The following KCNH5 variants were observed in gnomAD, a reference collection of about 807,000 sequenced individuals.
KCNH5 encodes potassium voltage-gated channel subfamily H member 5.
A neutral mutation model predicts 96.1 loss-of-function variants in KCNH5; 46 were observed. The ratio of observed to expected loss-of-function variants is 0.48; its 90% CI spans 0.38 to 0.61. The LOEUF is 0.61. KCNH5 is among the 20% of genes least tolerant of loss of function. KCNH5 has a pLI of 0.00. For missense variants in KCNH5, 907 were observed against 1,225.8 expected (o/e 0.74, Z 3.88); for synonymous variants, 439 against 449.8 (o/e 0.98, Z 0.30).
At chr14:62,954,391 G>A (rs965309429) in intron 6 of KCNH5, among the ~76,000 whole-genome samples, 4 of 152,166 alleles carry the variant, frequency 2.6e-5, no homozygotes, top group Non-Finnish European at 5.9e-5. Flanking sequence ...TTGCATGTAT[G>A]ACATTCCAGG....
chr14:62,918,907 A>AT (rs1889327863), intron 7 of KCNH5, among the ~76,000 whole-genome samples: 1 of 152,116 alleles, frequency 6.6e-6, no homozygotes, highest in African/African-American at 2.4e-5. Flanking sequence ...TATGAAAATC[A>AT]TTTTTATCAT....
intron 8 of KCNH5, among the ~76,000 whole-genome samples, chr14:62,846,041 T>C (rs907269612): frequency 3.9e-5 from 6 of 152,198 alleles, no homozygotes; most frequent in African/African-American, 1.4e-4. Context: ...TTTACACACC[T>C]CCCAGAATCA....
chr14:63,017,071 T>C (rs914592773), intron 1 of KCNH5, 117 bp from the exon 2 acceptor site: 24 of 976,718 alleles, frequency 2.5e-5, no homozygotes, highest in Non-Finnish European at 3.2e-5. Context: ...GGTTTGTAAT[T>C]GTACAAATAA....
At chr14:62,987,014 G>A in intron 5 of KCNH5, 58 bp downstream of exon 5, 1 of 1,087,410 alleles carries the variant, frequency 9.2e-7, no homozygotes. Flanking sequence ...AATCATTTTA[G>A]GGAAGAAAAA....
intron 10 of KCNH5, among the ~76,000 whole-genome samples, chr14:62,753,748 T>C (rs964699659): frequency 2.0e-5 from 3 of 152,150 alleles, no homozygotes; most frequent in Non-Finnish European, 4.4e-5. Flanking sequence ...CTGGCAAAGA[T>C]ATCCTTCAAA....
intron 4 of KCNH5, among the ~76,000 whole-genome samples, chr14:62,989,589 CA>C (rs1292022350): frequency 6.6e-6 from 1 of 152,038 alleles, no homozygotes; most frequent in Non-Finnish European, 1.5e-5. Flanking sequence ...GATCCACCCA[CA>C]AGTGAGAGGT....
intron 10 of KCNH5, among the ~76,000 whole-genome samples, chr14:62,761,287 G>A (rs145833711): frequency 0.032 from 4,815 of 151,660 alleles, 149 homozygotes; most frequent in South Asian, 0.082. Flanking sequence ...CCTGGGAGGC[G>A]GAGGTTGCAA....
At chr14:62,975,864 G>A (rs1890489414) in intron 6 of KCNH5, among the ~76,000 whole-genome samples, 2 of 152,088 alleles carry the variant, frequency 1.3e-5, no homozygotes. Context: ...GATTAAACTT[G>A]CCTGTTAAAG....
chr14:62,787,559 T>C (rs932107386), intron 9 of KCNH5, among the ~76,000 whole-genome samples: 3 of 152,198 alleles, frequency 2.0e-5, no homozygotes, highest in African/African-American at 7.2e-5. Flanking sequence ...TTAATGCAGA[T>C]GAAACAGCCT....
chr14:62,959,826 A>G (rs923337631), intron 6 of KCNH5, among the ~76,000 whole-genome samples: 2 of 152,088 alleles, frequency 1.3e-5, no homozygotes, highest in Admixed American at 6.6e-5. Context: ...CTCCACTGTC[A>G]TCACCTTAGA....
At chr14:62,938,433 C>T (rs1889726847) in intron 7 of KCNH5, among the ~76,000 whole-genome samples, 1 of 152,190 alleles carries the variant, frequency 6.6e-6, no homozygotes, top group Non-Finnish European at 1.5e-5. Context: ...CACTTAGGAG[C>T]TGGCTTAGAA....
At chr14:62,729,253 T>C (rs1885000269) in intron 10 of KCNH5, among the ~76,000 whole-genome samples, 1 of 152,178 alleles carries the variant, frequency 6.6e-6, no homozygotes, top group African/African-American at 2.4e-5. Flanking sequence ...AATAACACTT[T>C]TTAATATAGT....
chr14:63,022,933 C>G (rs76885777), intron 1 of KCNH5, among the ~76,000 whole-genome samples: 1 of 152,122 alleles, frequency 6.6e-6, no homozygotes, highest in Admixed American at 6.5e-5. Context: ...TGGCCAGGCA[C>G]GGTGACTCAC....
At chr14:62,791,524 C>T (rs967171063) in intron 9 of KCNH5, among the ~76,000 whole-genome samples, 3 of 151,470 alleles carry the variant, frequency 2.0e-5, no homozygotes, top group Admixed American at 2.0e-4. Flanking sequence ...TATATTCTAC[C>T]TATAAGAACT....
chr14:63,011,586 C>G (rs1452309600), intron 2 of KCNH5, among the ~76,000 whole-genome samples: 4 of 152,084 alleles, frequency 2.6e-5, no homozygotes, highest in Admixed American at 6.6e-5. Flanking sequence ...GTTTCACAAC[C>G]CATTGATTTA....
At position 62,703,293 on chromosome 14, in the gene KCNH5, TA is replaced by T. The variant is rs1884375344; in HGVS notation, c.*4214del. On this transcript the variant is annotated 3_prime_UTR_variant, in exon 11 of 11. Transcript: ENST00000322893. ...TCTAAAACCTAAAAGAATATTTAGATAAAAATCACATCACCGTCAATCCCTG... is the reference window on the plus strand; with the variant it reads ...TCTAAAACCTAAAAGAATATTTAGATAAAATCACATCACCGTCAATCCCTG... The T allele has an allele frequency of 6.6e-6, 1 of 151,874 alleles. No individual in the cohort carries two copies. 9.4% of individuals were successfully genotyped at this position (151,874 alleles called of 1,614,324 possible). A position where few individuals can be genotyped will look rare whatever the true frequency, so the allele number is the denominator to read the frequency against.
chr14:62,745,489 TATA>T (rs1440369485), intron 10 of KCNH5, among the ~76,000 whole-genome samples: 1 of 152,156 alleles, frequency 6.6e-6, no homozygotes, highest in Non-Finnish European at 1.5e-5. Context: ...TGTCAACAAG[TATA>T]ATATAGACAG....
chr14:62,936,718 C>T (rs1445538835), intron 7 of KCNH5, among the ~76,000 whole-genome samples: 1 of 150,818 alleles, frequency 6.6e-6, no homozygotes, highest in East Asian at 2.0e-4. Context: ...TGGCTCACAC[C>T]TGTAATCCTA....
intron 7 of KCNH5, among the ~76,000 whole-genome samples, chr14:62,869,235 G>A (rs1026162447): frequency 3.3e-5 from 5 of 152,236 alleles, no homozygotes; most frequent in Admixed American, 2.0e-4. Flanking sequence ...CATTCTAACT[G>A]GCATGAGATG....
Sources: allele counts gnomAD v4.1 joint callset (sites outside exome capture counted in the v4.1 genomes callset), GRCh38; gene constraint gnomAD v4.1.1; transcripts MANE v1.5; gene names NCBI Gene and HGNC (gene_info 2026-07-23, HGNC 2026-07-21).